KHDRBS2: variants seen among roughly 807,000 people sequenced by gnomAD.
KHDRBS2 encodes the protein KH domain-containing, RNA-binding, signal transduction-associated protein 2.
A neutral mutation model predicts 44.3 loss-of-function variants in KHDRBS2; 26 were observed. That is an observed-to-expected ratio of 0.59 (90% CI 0.43 to 0.81). The LOEUF (loss-of-function observed/expected upper bound fraction) is 0.81. Ranked by LOEUF, KHDRBS2 falls within the 40% of genes least tolerant of loss-of-function variation. KHDRBS2 has a pLI of 0.00. For synonymous variants in KHDRBS2, 194 were observed against 151.1 expected, an observed-to-expected ratio of 1.28 and a Z score of -2.08; for missense variants, 476 against 433.1, an observed-to-expected ratio of 1.10 and a Z score of -0.88.
chr6:61,578,902 C>T, the KHDRBS2 span, among the ~76,000 whole-genome samples: 1 of 152,084 alleles, frequency 6.6e-6, no homozygotes, highest in Admixed American at 6.5e-5. Context: ...CTTATACTTT[C>T]CATGGGATTT....
At chr6:61,911,633 A>G (rs377199368) in intron 4 of KHDRBS2, among the ~76,000 whole-genome samples, 1 of 151,942 alleles carries the variant, frequency 6.6e-6, no homozygotes, top group Non-Finnish European at 1.5e-5. Context: ...TAAATTCTAC[A>G]TTTTTGTTTT....
chr6:62,188,601 G>C (rs1823941444), intron 1 of KHDRBS2, among the ~76,000 whole-genome samples: 1 of 152,138 alleles, frequency 6.6e-6, no homozygotes, highest in Non-Finnish European at 1.5e-5. Flanking sequence ...TTAAGTATGG[G>C]AAATAAATGC....
At chr6:62,271,948 T>C (rs971152205) in intron 1 of KHDRBS2, among the ~76,000 whole-genome samples, 1 of 152,148 alleles carries the variant, frequency 6.6e-6, no homozygotes, top group Non-Finnish European at 1.5e-5. Flanking sequence ...AAGTCTACAG[T>C]AGTGTACAGT....
At chr6:61,660,572 T>A in the KHDRBS2 span, among the ~76,000 whole-genome samples, 186 of 151,950 alleles carry the variant, frequency 1.2e-3, 2 homozygotes, top group African/African-American at 4.2e-3. Context: ...CAGAAATGTA[T>A]CTTCCAAATC....
chr6:61,553,289 T>C, the KHDRBS2 span, among the ~76,000 whole-genome samples: 1 of 152,170 alleles, frequency 6.6e-6, no homozygotes, highest in African/African-American at 2.4e-5. Context: ...TTTGTGTGTA[T>C]AGAGGTATTT....
chr6:61,762,855 C>T (rs1779475477), intron 6 of KHDRBS2, among the ~76,000 whole-genome samples: 1 of 152,092 alleles, frequency 6.6e-6, no homozygotes, highest in Non-Finnish European at 1.5e-5. Flanking sequence ...CCAGAAGGTT[C>T]TATTGAAATT....
chr6:61,874,035 T>C (rs1324859587), intron 6 of KHDRBS2, among the ~76,000 whole-genome samples: 1 of 152,068 alleles, frequency 6.6e-6, no homozygotes, highest in East Asian at 1.9e-4. Flanking sequence ...ACTCTCTCTA[T>C]ATATAATTCT....
chr6:61,550,547 G>T, the KHDRBS2 span, among the ~76,000 whole-genome samples: 11 of 151,936 alleles, frequency 7.2e-5, no homozygotes, highest in African/African-American at 2.4e-4. Context: ...TGCTGAGGTT[G>T]GGGGATGGTG....
At chr6:62,061,360 G>A (rs1208500058) in intron 2 of KHDRBS2, among the ~76,000 whole-genome samples, 5 of 151,628 alleles carry the variant, frequency 3.3e-5, no homozygotes, top group African/African-American at 4.8e-5. Flanking sequence ...CTCTTTTAGG[G>A]CAGGCCTGGT....
intron 8 of KHDRBS2, among the ~76,000 whole-genome samples, chr6:61,687,775 G>A (rs1388757934): frequency 6.6e-6 from 1 of 151,688 alleles, no homozygotes. Flanking sequence ...TATTCTAATT[G>A]TGAACTCAAG....
intron 3 of KHDRBS2, among the ~76,000 whole-genome samples, chr6:61,984,409 C>T (rs61057990): frequency 0.2 from 30,273 of 151,798 alleles, 3,206 homozygotes; most frequent in Admixed American, 0.28. Flanking sequence ...CATTTGGAGC[C>T]CCAGGATTCA....
intron 1 of KHDRBS2, among the ~76,000 whole-genome samples, chr6:62,233,240 C>T (rs993713342): frequency 1.1e-4 from 17 of 152,156 alleles, no homozygotes; most frequent in African/African-American, 4.1e-4. Flanking sequence ...GTAAAATATA[C>T]ATCCAACAAT....
intron 2 of KHDRBS2, among the ~76,000 whole-genome samples, chr6:62,175,279 T>C (rs2150121959): frequency 6.6e-6 from 1 of 151,660 alleles, no homozygotes; most frequent in South Asian, 2.1e-4. Flanking sequence ...AGGCTATTCA[T>C]AAGTTAAAGA....
At chr6:62,022,134 G>C (rs2127281204) in intron 3 of KHDRBS2, among the ~76,000 whole-genome samples, 1 of 151,316 alleles carries the variant, frequency 6.6e-6, no homozygotes. Context: ...ATTGAAAGTA[G>C]ATTATCCCTC....
chr6:61,872,491 T>C (rs1798802543), intron 6 of KHDRBS2, among the ~76,000 whole-genome samples: 2 of 151,972 alleles, frequency 1.3e-5, no homozygotes. Flanking sequence ...AATAATGACA[T>C]TGATAATTTT....
intron 1 of KHDRBS2, among the ~76,000 whole-genome samples, chr6:62,203,662 G>T (rs1585190754): frequency 6.6e-6 from 1 of 152,084 alleles, no homozygotes; most frequent in South Asian, 2.1e-4. Flanking sequence ...TGCACAAGGG[G>T]TAGCCATAGC....
chr6:61,767,143 G>A (rs1363493313), intron 6 of KHDRBS2, among the ~76,000 whole-genome samples: 1 of 151,786 alleles, frequency 6.6e-6, no homozygotes, highest in East Asian at 1.9e-4. Context: ...TCCAATGTTG[G>A]GTACATATAT....
At chr6:61,629,892 T>C in the KHDRBS2 span, among the ~76,000 whole-genome samples, 48 of 152,364 alleles carry the variant, frequency 3.2e-4, no homozygotes, top group African/African-American at 1.1e-3. Flanking sequence ...TTACTGTCAA[T>C]GAAAATACAT....
chr6:62,079,112 C>T (rs536119728), intron 2 of KHDRBS2, among the ~76,000 whole-genome samples: 208 of 152,018 alleles, frequency 1.4e-3, no homozygotes, highest in Non-Finnish European at 2.1e-3. Flanking sequence ...CAATAATTCA[C>T]CATGATCCAT....
Sources: gnomAD v4.1 joint callset for allele counts (sites outside exome capture counted in the v4.1 genomes callset) on GRCh38, gnomAD v4.1.1 for gene constraint, MANE v1.5 for transcripts, NCBI Gene and HGNC (gene_info 2026-07-23, HGNC 2026-07-21) for gene names.